PAM: variants seen among roughly 807,000 people sequenced by gnomAD.
The protein encoded by PAM is peptidyl-glycine alpha-amidating monooxygenase.
PAM carries 72 observed loss-of-function variants against 122.1 expected under a neutral mutation model. That is an observed-to-expected ratio of 0.59 (90% CI 0.49 to 0.72). The LOEUF (loss-of-function observed/expected upper bound fraction) is 0.72. Ranked by LOEUF, PAM falls within the 30% of genes least tolerant of loss-of-function variation. The pLI is 0.00. For missense variants in PAM, 1,106 were observed against 1,183.7 expected (o/e 0.93, Z 0.96); for synonymous variants, 389 against 404.4 (o/e 0.96, Z 0.46).
intron 1 of PAM, among the ~76,000 whole-genome samples, chr5:102,771,256 G>A (rs1755713594): frequency 6.6e-6 from 1 of 152,006 alleles, no homozygotes; most frequent in Non-Finnish European, 1.5e-5. Context: ...GAGTTTAGGG[G>A]TGGTTGGGAA....
intron 22 of PAM, among the ~76,000 whole-genome samples, 171 bp downstream of exon 22, chr5:103,017,604 A>C (rs907391167): frequency 6.6e-6 from 1 of 152,144 alleles, no homozygotes; most frequent in Non-Finnish European, 1.5e-5. Context: ...GAAAGAAACG[A>C]TTTTTTTGCT....
At chr5:102,794,799 C>G (rs1359499831) in intron 1 of PAM, among the ~76,000 whole-genome samples, 1 of 152,052 alleles carries the variant, frequency 6.6e-6, no homozygotes, top group Admixed American at 6.5e-5. Context: ...TTTACAAGTC[C>G]TGTGTCCATT....
chr5:102,964,971 C>G (rs551179642), intron 14 of PAM, among the ~76,000 whole-genome samples: 85 of 151,756 alleles, frequency 5.6e-4, no homozygotes, highest in Non-Finnish European at 1.1e-3. Context: ...GAGAAAAACA[C>G]AAATGGATAT....
At chr5:102,965,040 T>C (rs943422279) in intron 14 of PAM, among the ~76,000 whole-genome samples, 21 of 151,962 alleles carry the variant, frequency 1.4e-4, no homozygotes, top group Middle Eastern at 3.4e-3. Context: ...GAATTACCTA[T>C]ATATGTAATA....
intron 15 of PAM, among the ~76,000 whole-genome samples, chr5:102,982,646 G>A (rs913640100): frequency 2.6e-5 from 4 of 152,186 alleles, no homozygotes; most frequent in Non-Finnish European, 5.9e-5. Flanking sequence ...AAATCATACA[G>A]AGACTACTGT....
At chr5:102,913,552 T>A (rs919061161) in intron 4 of PAM, among the ~76,000 whole-genome samples, 2 of 152,002 alleles carry the variant, frequency 1.3e-5, no homozygotes, top group African/African-American at 4.8e-5. Flanking sequence ...TCTTTTTCAC[T>A]ACAATGTTGA....
chr5:102,848,894 A>T (rs1241180592), intron 1 of PAM, among the ~76,000 whole-genome samples: 1 of 152,198 alleles, frequency 6.6e-6, no homozygotes, highest in African/African-American at 2.4e-5. Flanking sequence ...AAGAATATTT[A>T]TCAGAATCAG....
At chr5:102,987,959 A>G (rs1015941426) in intron 15 of PAM, among the ~76,000 whole-genome samples, 2 of 152,208 alleles carry the variant, frequency 1.3e-5, no homozygotes, top group Admixed American at 6.5e-5. Flanking sequence ...TGCTGCTAAT[A>G]AAGTACTTGT....
chr5:102,774,008 C>A (rs2149790001), intron 1 of PAM, among the ~76,000 whole-genome samples: 1 of 152,152 alleles, frequency 6.6e-6, no homozygotes, highest in East Asian at 1.9e-4. Flanking sequence ...AAGGTTAAAA[C>A]CTCCAGCTCC....
chr5:102,881,467 G>T (rs1791059359), intron 3 of PAM, among the ~76,000 whole-genome samples: 1 of 151,966 alleles, frequency 6.6e-6, no homozygotes, highest in African/African-American at 2.4e-5. Flanking sequence ...TTCATACATT[G>T]CTGGTGGGAG....
chr5:102,941,921 G>C (rs1755389717), intron 7 of PAM, among the ~76,000 whole-genome samples: 2 of 150,172 alleles, frequency 1.3e-5, no homozygotes, highest in South Asian at 4.2e-4. Flanking sequence ...AGAGCCCAGA[G>C]TGAACACAAG....
chr5:102,784,721 G>A (rs1228468012), intron 1 of PAM, among the ~76,000 whole-genome samples: 1 of 152,222 alleles, frequency 6.6e-6, no homozygotes, highest in Non-Finnish European at 1.5e-5. Context: ...ATGACTTTGT[G>A]TCAGTCACTG....
At chr5:103,021,501 A>G (rs573413393) in intron 23 of PAM, among the ~76,000 whole-genome samples, 70 of 152,306 alleles carry the variant, frequency 4.6e-4, no homozygotes, top group African/African-American at 1.6e-3. Flanking sequence ...GCTGTCATAT[A>G]GGCCATTTCC....
At position 102,799,142 on chromosome 5, in the gene PAM, C is replaced by A. The variant is rs561349154; in HGVS notation, c.-374+43794C>A. ...AAATAACCTGGAATTCTGACAGTTTCTAAAATTATGTCAGCTTGCTTACAA... is the reference window on the plus strand; with the variant it reads ...AAATAACCTGGAATTCTGACAGTTTATAAAATTATGTCAGCTTGCTTACAA... On this transcript the variant is annotated intron_variant, in intron 1 of 25. Transcript: ENST00000438793. Among the ~76,000 whole-genome samples the A allele has an allele frequency of 1.2e-4, 18 of 152,308 alleles. No homozygotes were observed. In the South Asian group the frequency reaches 3.7e-3, roughly 32 times the overall value.
intron 4 of PAM, among the ~76,000 whole-genome samples, chr5:102,913,060 G>A (rs1801919132): frequency 6.6e-6 from 1 of 151,912 alleles, no homozygotes; most frequent in Non-Finnish European, 1.5e-5. Flanking sequence ...ATAGCTGAAA[G>A]ATGCATTTTT....
At chr5:102,950,911 AT>A in intron 12 of PAM, 91 bp downstream of exon 12, 1 of 786,282 alleles carries the variant, frequency 1.3e-6, no homozygotes. Context: ...TAAATTGTAC[AT>A]TTTTTGTCCT....
intron 16 of PAM, among the ~76,000 whole-genome samples, chr5:102,997,714 C>T (rs1776157998): frequency 6.6e-6 from 1 of 152,110 alleles, no homozygotes; most frequent in Non-Finnish European, 1.5e-5. Context: ...TTGCTGCCAC[C>T]ACTGGAAACT....
intron 4 of PAM, among the ~76,000 whole-genome samples, chr5:102,909,578 C>A (rs1800760247): frequency 6.6e-6 from 1 of 151,722 alleles, no homozygotes; most frequent in Non-Finnish European, 1.5e-5. Context: ...AAAAGATATA[C>A]TTACCTGGGA....
At chr5:102,971,967 G>A (rs1164947807) in intron 14 of PAM, among the ~76,000 whole-genome samples, 1 of 152,190 alleles carries the variant, frequency 6.6e-6, no homozygotes. Flanking sequence ...GGCAAGGCCT[G>A]TGCAACTGTG....
Sources: allele counts gnomAD v4.1 joint callset (sites outside exome capture counted in the v4.1 genomes callset), GRCh38; gene constraint gnomAD v4.1.1; transcripts MANE v1.5; gene names NCBI Gene and HGNC (gene_info 2026-07-23, HGNC 2026-07-21).